Variants in CTNNA3 observed in about 807,000 individuals in gnomAD.
The protein encoded by CTNNA3 is catenin alpha 3, also known as catenin alpha-3.
A neutral mutation model predicts 95.7 loss-of-function variants in CTNNA3; 76 were observed. The observed-to-expected ratio is 0.79, with a 90% CI of 0.66 to 0.96. The LOEUF is 0.96. Among genes scored for constraint, CTNNA3 ranks in the 40% least tolerant of loss-of-function variants. CTNNA3 has a pLI of 0.00. For missense variants in CTNNA3, 1,191 were observed against 1,089.8 expected (o/e 1.09, Z -1.31); for synonymous variants, 431 against 374.4 (o/e 1.15, Z -1.74).
At chr10:66,134,216 AC>A (rs1271184698) in intron 13 of CTNNA3, among the ~76,000 whole-genome samples, 2 of 152,122 alleles carry the variant, frequency 1.3e-5, no homozygotes, top group Non-Finnish European at 2.9e-5. Flanking sequence ...AGGTATTAAG[AC>A]TCCACAAATA....
At chr10:67,452,037 T>TGGAG (rs1224302412) in intron 5 of CTNNA3, among the ~76,000 whole-genome samples, 3 of 95,638 alleles carry the variant, frequency 3.1e-5, no homozygotes, top group Non-Finnish European at 6.0e-5. Flanking sequence ...GAGAAAGGGA[T>TGGAG]GGAGGGAGGG....
intron 11 of CTNNA3, among the ~76,000 whole-genome samples, chr10:66,450,774 T>A (rs892706407): frequency 1.3e-5 from 2 of 152,146 alleles, no homozygotes; most frequent in African/African-American, 4.8e-5. Context: ...TTGCTCCAAC[T>A]TATTATTTCT....
chr10:66,920,609 T>C (rs4746648), intron 7 of CTNNA3, among the ~76,000 whole-genome samples: 121,294 of 152,140 alleles, frequency 0.8, 49,417 homozygotes, highest in Non-Finnish European at 0.89. Context: ...TTTAAAAATA[T>C]ATCATGGTGC....
intron 3 of CTNNA3, among the ~76,000 whole-genome samples, chr10:67,551,892 G>C (rs868496691): frequency 3.0e-4 from 45 of 152,248 alleles, no homozygotes; most frequent in Admixed American, 2.4e-3. Flanking sequence ...ATTAAACTGG[G>C]TAAATGCCAT....
chr10:67,150,381 G>A (rs1861035765), intron 7 of CTNNA3, among the ~76,000 whole-genome samples: 1 of 152,132 alleles, frequency 6.6e-6, no homozygotes, highest in Non-Finnish European at 1.5e-5. Flanking sequence ...AGCATGTACA[G>A]AAACACTAAT....
intron 7 of CTNNA3, among the ~76,000 whole-genome samples, chr10:67,005,844 C>G (rs997157452): frequency 6.6e-6 from 1 of 151,376 alleles, no homozygotes; most frequent in South Asian, 2.1e-4. Context: ...TGCCACTATG[C>G]CTGGCTAATT....
intron 7 of CTNNA3, among the ~76,000 whole-genome samples, chr10:67,114,077 CA>C (rs11454339): frequency 1.9e-3 from 255 of 136,274 alleles, no homozygotes; most frequent in Middle Eastern, 7.2e-3. Context: ...GGGGAGAACT[CA>C]AAAAAAAAAA....
chr10:67,332,322 T>A (rs1386875825), intron 5 of CTNNA3, among the ~76,000 whole-genome samples: 1 of 152,174 alleles, frequency 6.6e-6, no homozygotes, highest in Non-Finnish European at 1.5e-5. Flanking sequence ...TAACTGGGCC[T>A]CAGCAGAACT....
chr10:66,584,194 C>T (rs1236603822), intron 10 of CTNNA3, among the ~76,000 whole-genome samples: 1 of 151,820 alleles, frequency 6.6e-6, no homozygotes, highest in African/African-American at 2.4e-5. Flanking sequence ...CTGTTAGGCT[C>T]ATTTTTTCTA....
intron 12 of CTNNA3, among the ~76,000 whole-genome samples, chr10:66,314,872 A>G (rs2092076781): frequency 6.6e-6 from 1 of 152,112 alleles, no homozygotes; most frequent in Non-Finnish European, 1.5e-5. Context: ...TCATATCATA[A>G]TTAAGCATCT....
intron 6 of CTNNA3, among the ~76,000 whole-genome samples, chr10:67,219,047 A>T (rs1864523894): frequency 6.6e-6 from 1 of 152,158 alleles, no homozygotes; most frequent in Non-Finnish European, 1.5e-5. Context: ...CCTGGTTTTT[A>T]TGTTGTCACT....
chr10:67,188,705 C>A (rs533478209), intron 6 of CTNNA3, among the ~76,000 whole-genome samples: 7 of 152,272 alleles, frequency 4.6e-5, no homozygotes, highest in Non-Finnish European at 8.8e-5. Flanking sequence ...ATGTTCACTG[C>A]ACCATTATTC....
chr10:66,683,523 T>C (rs1847141662), intron 9 of CTNNA3, among the ~76,000 whole-genome samples: 1 of 152,178 alleles, frequency 6.6e-6, no homozygotes, highest in Non-Finnish European at 1.5e-5. Context: ...GGAGAAGCAA[T>C]GCTTCAGTAG....
At chr10:67,004,847 T>C (rs1231350789) in intron 7 of CTNNA3, among the ~76,000 whole-genome samples, 1 of 152,204 alleles carries the variant, frequency 6.6e-6, no homozygotes, top group Non-Finnish European at 1.5e-5. Context: ...CTATGTATGT[T>C]CAGTCTGACA....
chr10:67,589,129 A>T (rs1489419375), intron 3 of CTNNA3, among the ~76,000 whole-genome samples: 2 of 152,192 alleles, frequency 1.3e-5, no homozygotes, highest in African/African-American at 2.4e-5. Flanking sequence ...ATCTGTATTC[A>T]TATGAGGGAG....
chr10:67,517,886 CA>C (rs911089162), intron 5 of CTNNA3, among the ~76,000 whole-genome samples: 1 of 152,028 alleles, frequency 6.6e-6, no homozygotes, highest in African/African-American at 2.4e-5. Context: ...CAGAAGTATA[CA>C]AAATAAAGAA....
At chr10:67,200,581 A>G (rs988012461) in intron 6 of CTNNA3, among the ~76,000 whole-genome samples, 71 of 152,278 alleles carry the variant, frequency 4.7e-4, no homozygotes, top group African/African-American at 1.7e-3. Context: ...AACCCATACC[A>G]GGAAGGCCAG....
chr10:66,278,251 AT>A (rs1184113002), intron 13 of CTNNA3, among the ~76,000 whole-genome samples: 1 of 150,796 alleles, frequency 6.6e-6, no homozygotes, highest in Non-Finnish European at 1.5e-5. Context: ...ATGGAAAAAA[AT>A]ATAGGCTAAT....
chr10:67,451,186 G>T (rs925533501), intron 5 of CTNNA3, among the ~76,000 whole-genome samples: 1 of 152,014 alleles, frequency 6.6e-6, no homozygotes, highest in African/African-American at 2.4e-5. Flanking sequence ...CCATGCTTCT[G>T]CCTTCTTCTA....
Sources: gnomAD v4.1 joint callset for allele counts (sites outside exome capture counted in the v4.1 genomes callset) on GRCh38, gnomAD v4.1.1 for gene constraint, MANE v1.5 for transcripts, NCBI Gene and HGNC (gene_info 2026-07-23, HGNC 2026-07-21) for gene names.